The following PDE4D variants were observed in gnomAD, a reference collection of about 807,000 sequenced individuals.
PDE4D encodes phosphodiesterase 4D, also known as 3',5'-cyclic-AMP phosphodiesterase 4D.
PDE4D carries 24 observed loss-of-function variants against 87.4 expected under a neutral mutation model. The observed-to-expected ratio is 0.27, with a 90% CI of 0.20 to 0.39. The LOEUF is 0.39. Ranked by LOEUF, PDE4D falls within the 10% of genes least tolerant of loss-of-function variation. The probability of loss-of-function intolerance (pLI) is 1.00; values close to 1 mark genes in which losing one functional copy is unlikely to be tolerated. For missense variants in PDE4D, 714 were observed against 1,041.0 expected, an observed-to-expected ratio of 0.69 and a Z score of 4.32; for synonymous variants, 384 against 383.2, an observed-to-expected ratio of 1.00 and a Z score of -0.02.
intron 1 of PDE4D, among the ~76,000 whole-genome samples, chr5:59,513,133 T>C (rs1810549023): frequency 1.3e-5 from 2 of 152,164 alleles, no homozygotes; most frequent in African/African-American, 4.8e-5. Flanking sequence ...AATGATTGAA[T>C]AGTGAATATT....
chr5:58,982,197 G>A (rs1444733553), intron 11 of PDE4D, among the ~76,000 whole-genome samples: 1 of 152,124 alleles, frequency 6.6e-6, no homozygotes, highest in Non-Finnish European at 1.5e-5. Context: ...AATGATTCCT[G>A]GACCCATGAA....
At chr5:60,100,166 G>T (rs1161341457) in intron 2 of PDE4D, among the ~76,000 whole-genome samples, 2 of 151,852 alleles carry the variant, frequency 1.3e-5, no homozygotes, top group Admixed American at 6.6e-5. Flanking sequence ...CAGTGAGAAA[G>T]GAAGGAAATT....
Position 58,973,109 on chromosome 5 carries a change from C to T in PDE4D, c.*1555G>A, listed in dbSNP as rs182839747. The T allele has an allele frequency of 2.0e-4, 31 of 152,172 alleles. No individual in the cohort carries two copies. Among genetic ancestry groups the T allele is most frequent in the African/African-American group, 7.5e-4 (31 of 41,514 alleles). 9.4% of individuals were successfully genotyped at this position (152,172 alleles called of 1,614,324 possible). A position where few individuals can be genotyped will look rare whatever the true frequency, so the allele number is the denominator to read the frequency against. On this transcript the variant is annotated 3_prime_UTR_variant, in exon 15 of 15. Coordinates refer to ENST00000340635, the MANE Select transcript of PDE4D (RefSeq NM_001104631.2). ...GATGTTCCTGATATAGTTCTTAATC[C>T]CATGGTGAAATCATTAAAACCAAAT...
intron 3 of PDE4D, among the ~76,000 whole-genome samples, chr5:59,960,772 G>C (rs1759384377): frequency 6.6e-6 from 1 of 152,020 alleles, no homozygotes; most frequent in African/African-American, 2.4e-5. Flanking sequence ...CATTATCTTA[G>C]TGACAAGATC....
intron 2 of PDE4D, among the ~76,000 whole-genome samples, chr5:60,052,536 T>C (rs542866720): frequency 1.9e-3 from 288 of 152,160 alleles, no homozygotes; most frequent in African/African-American, 6.6e-3. Context: ...ATGAAACATA[T>C]CTCAAAATAG....
At chr5:60,413,500 T>C (rs1307330097) in intron 1 of PDE4D, among the ~76,000 whole-genome samples, 3 of 152,064 alleles carry the variant, frequency 2.0e-5, no homozygotes, top group Non-Finnish European at 4.4e-5. Context: ...GAGAAATAGA[T>C]GGGAAGACTA....
chr5:60,249,101 T>G (rs572703176), intron 1 of PDE4D, among the ~76,000 whole-genome samples: 1 of 152,146 alleles, frequency 6.6e-6, no homozygotes, highest in African/African-American at 2.4e-5. Flanking sequence ...GAAAAAACTT[T>G]TAACCATATC....
rs540498006 is a variant in PDE4D, at chr5:59,215,685, C to G, written c.647+92G>C. ...CTTTCTACATTGGAGGAGAGTGATA[C>G]AGTTGAACAAAAGTCATTAGTTTTA... On this transcript the variant is annotated intron_variant, in intron 2 of 14. Transcript: ENST00000340635. 193 of 1,042,744 alleles carry G rather than the reference C, an allele frequency of 1.9e-4. No homozygotes were observed. The African/African-American group carries it at 2.9e-3, about 16-fold the overall frequency. 64.6% of individuals were successfully genotyped at this position (1,042,744 alleles called of 1,614,324 possible).
chr5:59,655,269 A>C (rs1312403155), intron 1 of PDE4D, among the ~76,000 whole-genome samples: 3 of 152,186 alleles, frequency 2.0e-5, no homozygotes, highest in Admixed American at 1.3e-4. Context: ...ATGAATTAAC[A>C]CTGTAAGAGC....
At chr5:59,032,848 A>G (rs988509999) in intron 6 of PDE4D, among the ~76,000 whole-genome samples, 1 of 152,078 alleles carries the variant, frequency 6.6e-6, no homozygotes, top group Non-Finnish European at 1.5e-5. Context: ...TTCCCCTTTC[A>G]TTATCGCCAC....
At chr5:59,193,254 T>C (rs1395763258) in intron 3 of PDE4D, among the ~76,000 whole-genome samples, 1 of 152,220 alleles carries the variant, frequency 6.6e-6, no homozygotes, top group Non-Finnish European at 1.5e-5. Context: ...CAATTAAGTA[T>C]ATCCCTTAGC....
rs905379279 is a variant in PDE4D, at chr5:60,109,185, C to T, written c.42+76372G>A. ...ACAAGAAAAAAACAAACAACCCCAT[C>T]AAAAAGTGGGCGAAGGCCATGAACA... is the stretch of plus-strand genomic sequence containing the variant. On this transcript the variant is annotated intron_variant, in intron 2 of 16. Coordinates refer to the PDE4D transcript ENST00000502484. Among the ~76,000 whole-genome samples, 175 of 152,206 alleles carry T rather than the reference C, an allele frequency of 1.1e-3. 1 individual carries two copies. Among genetic ancestry groups the T allele is most frequent in the African/African-American group, 4.1e-3 (170 of 41,516 alleles).
chr5:60,433,299 G>A (rs1013774988), intron 1 of PDE4D, among the ~76,000 whole-genome samples: 20 of 152,052 alleles, frequency 1.3e-4, no homozygotes, highest in African/African-American at 3.9e-4. Flanking sequence ...ACATTTACAC[G>A]GCCAACAAGC....
At chr5:59,295,683 C>A (rs1390724262) in intron 1 of PDE4D, among the ~76,000 whole-genome samples, 1 of 152,042 alleles carries the variant, frequency 6.6e-6, no homozygotes, top group Non-Finnish European at 1.5e-5. Flanking sequence ...TAGTTTTCAT[C>A]AGAGAGTAAG....
intron 1 of PDE4D, among the ~76,000 whole-genome samples, chr5:60,354,142 C>T (rs528754381): frequency 6.6e-6 from 1 of 152,158 alleles, no homozygotes; most frequent in East Asian, 1.9e-4. Context: ...GTTATAATTA[C>T]CTTAGAGGTG....
intron 1 of PDE4D, among the ~76,000 whole-genome samples, chr5:60,299,706 C>A (rs1195503691): frequency 6.6e-6 from 1 of 152,166 alleles, no homozygotes. Flanking sequence ...CCAACTCCAA[C>A]CATGTCCCTG....
chr5:59,212,652 T>C (rs1750336581), intron 2 of PDE4D, among the ~76,000 whole-genome samples: 1 of 152,048 alleles, frequency 6.6e-6, no homozygotes, highest in Admixed American at 6.6e-5. Flanking sequence ...GTAGAATGTA[T>C]GAAAGAAACA....
chr5:59,719,367 C>T (rs1037327491), intron 1 of PDE4D, among the ~76,000 whole-genome samples: 8 of 152,138 alleles, frequency 5.3e-5, no homozygotes, highest in South Asian at 4.2e-4. Flanking sequence ...GACACAGATA[C>T]GATGGACTAC....
intron 1 of PDE4D, among the ~76,000 whole-genome samples, chr5:59,802,228 GT>G (rs1408478741): frequency 1.5e-5 from 2 of 133,844 alleles, no homozygotes; most frequent in East Asian, 3.9e-4. Flanking sequence ...GTTTTGTTTT[GT>G]TTTTGTTTTC....
Sources: gnomAD v4.1 joint callset for allele counts (sites outside exome capture counted in the v4.1 genomes callset) on GRCh38, gnomAD v4.1.1 for gene constraint, MANE v1.5 for transcripts, NCBI Gene and HGNC (gene_info 2026-07-23, HGNC 2026-07-21) for gene names.